TNRC6B: variants seen among roughly 807,000 people sequenced by gnomAD.
TNRC6B encodes the protein trinucleotide repeat-containing gene 6B protein.
Under a neutral mutation model 203.6 loss-of-function variants are expected in TNRC6B, and 52 were observed. That is an observed-to-expected ratio of 0.26 (90% confidence interval 0.20 to 0.32). The LOEUF (loss-of-function observed/expected upper bound fraction) is 0.32. Among genes scored for constraint, TNRC6B ranks in the 10% least tolerant of loss-of-function variants. The probability of loss-of-function intolerance (pLI) is 1.00; values close to 1 mark genes in which losing one functional copy is unlikely to be tolerated. For synonymous variants in TNRC6B, 838 were observed against 845.7 expected (o/e 0.99, Z 0.16); for missense variants, 1,923 against 2,286.2 (o/e 0.84, Z 3.24).
At chr22:40,149,662 C>A (rs1004969241) in intron 3 of TNRC6B, among the ~76,000 whole-genome samples, 1 of 141,538 alleles carries the variant, frequency 7.1e-6, no homozygotes, top group African/African-American at 2.8e-5. Context: ...GAGCGAGACT[C>A]CGTCTCCCTC....
At chr22:40,146,624 T>C (rs2068697919) in intron 3 of TNRC6B, among the ~76,000 whole-genome samples, 1 of 141,124 alleles carries the variant, frequency 7.1e-6, no homozygotes, top group Non-Finnish European at 1.5e-5. Context: ...TGGAGTGCAG[T>C]GGCGCAATCT....
rs2067812850 is a variant in TNRC6B, at chr22:40,057,798, G to A, written c.-121+12800G>A. On this transcript the variant is annotated intron_variant, in intron 1 of 23. Coordinates refer to the TNRC6B transcript ENST00000301923. Reference sequence around the variant, plus strand: ...AAAAGATGAAACAGCTGCTCTCTGAGGAGCTAAATGTCTTTCTCCTGTGAA... The same window carrying A: ...AAAAGATGAAACAGCTGCTCTCTGAAGAGCTAAATGTCTTTCTCCTGTGAA... Among the ~76,000 whole-genome samples, 3 of 152,086 alleles carry A rather than the reference G, an allele frequency of 2.0e-5. No individual in the cohort carries two copies. The South Asian group carries it at 6.2e-4, about 32-fold the overall frequency.
intron 1 of TNRC6B, among the ~76,000 whole-genome samples, chr22:40,074,427 C>T (rs1482142078): frequency 1.3e-5 from 2 of 151,840 alleles, no homozygotes; most frequent in Admixed American, 1.3e-4. Flanking sequence ...AGGAGGATTG[C>T]TTGAGTCCAG....
intron 3 of TNRC6B, among the ~76,000 whole-genome samples, chr22:40,127,301 A>C (rs1157662961): frequency 1.3e-5 from 2 of 152,190 alleles, no homozygotes; most frequent in East Asian, 1.9e-4. Flanking sequence ...GACAGATGTC[A>C]TCCTGTCCTC....
chr22:40,294,074 A>C (rs563014077), intron 12 of TNRC6B, among the ~76,000 whole-genome samples: 317 of 11,704 alleles, frequency 0.027, no homozygotes, highest in Middle Eastern at 0.18. Context: ...CCATCTCTAC[A>C]AAAAAAAAAA....
intron 1 of TNRC6B, among the ~76,000 whole-genome samples, chr22:40,105,838 A>G (rs1451699598): frequency 1.3e-5 from 2 of 152,200 alleles, no homozygotes; most frequent in African/African-American, 4.8e-5. Context: ...GAACTTTAGC[A>G]GAATCAAGCC....
At chr22:40,095,243 C>T (rs902384064) in intron 1 of TNRC6B, among the ~76,000 whole-genome samples, 1 of 152,088 alleles carries the variant, frequency 6.6e-6, no homozygotes, top group Non-Finnish European at 1.5e-5. Context: ...TTGCTTTAAC[C>T]AAATAAAGAT....
intron 11 of TNRC6B, among the ~76,000 whole-genome samples, chr22:40,281,539 A>G (rs1168005784): frequency 6.6e-6 from 1 of 151,386 alleles, no homozygotes; most frequent in Non-Finnish European, 1.5e-5. Context: ...GTTCATATTT[A>G]ATAAGTAATA....
intron 1 of TNRC6B, among the ~76,000 whole-genome samples, chr22:40,092,224 G>A (rs558373082): frequency 6.6e-6 from 1 of 152,172 alleles, no homozygotes; most frequent in South Asian, 2.1e-4. Flanking sequence ...CCAACATGGA[G>A]AAACCCCATC....
intron 7 of TNRC6B, among the ~76,000 whole-genome samples, chr22:40,275,188 T>G (rs1348013890): frequency 6.6e-6 from 1 of 152,242 alleles, no homozygotes; most frequent in Non-Finnish European, 1.5e-5. Flanking sequence ...TTTTCTTCTA[T>G]TAAGAGCTTT....
intron 1 of TNRC6B, among the ~76,000 whole-genome samples, chr22:40,082,993 A>G (rs2068073294): frequency 6.6e-6 from 1 of 152,274 alleles, no homozygotes. Context: ...TGGAGTTCCA[A>G]GGAAAGTTCC....
intron 1 of TNRC6B, among the ~76,000 whole-genome samples, chr22:40,064,452 A>C: frequency 6.6e-6 from 1 of 151,888 alleles, no homozygotes; most frequent in East Asian, 1.9e-4. Flanking sequence ...TTTTATTAAG[A>C]AAGGGTATTG....
chr22:40,311,011 CT>C lies in TNRC6B; in HGVS notation c.4435+22del. 6.3e-7 allele frequency: 1 copy of C among 1,596,126 alleles called. No individual in the cohort carries two copies. The highest frequency in any genetic ancestry group is 1.1e-5 in the South Asian group (1 of 88,076). On this transcript the variant is annotated intron_variant, in intron 17 of 22. Coordinates refer to ENST00000454349, the MANE Select transcript of TNRC6B (RefSeq NM_001162501.2). ...GCCTCCAGGTATTGTCTAGGAAATG[CT>C]TTTCCCAGGATAGCATTTGTTTTGT...
At chr22:40,160,245 G>A (rs1318817529) in intron 4 of TNRC6B, among the ~76,000 whole-genome samples, 1 of 152,170 alleles carries the variant, frequency 6.6e-6, no homozygotes, top group African/African-American at 2.4e-5. Flanking sequence ...GGGAGGCTGA[G>A]GCAGGCGGAT....
intron 1 of TNRC6B, among the ~76,000 whole-genome samples, chr22:40,231,283 A>G (rs2069865816): frequency 6.6e-6 from 1 of 152,220 alleles, no homozygotes; most frequent in Admixed American, 6.5e-5. Flanking sequence ...TTTCTACAAA[A>G]AAATTCTGCT....
At chr22:40,187,468 A>G (rs2069218713) in intron 1 of TNRC6B, among the ~76,000 whole-genome samples, 2 of 152,132 alleles carry the variant, frequency 1.3e-5, no homozygotes, top group South Asian at 2.1e-4. Context: ...GGTTTGTGCC[A>G]TGTTTCTGAA....
At chr22:40,051,797 G>A (rs1165520235) in intron 1 of TNRC6B, among the ~76,000 whole-genome samples, 1 of 152,176 alleles carries the variant, frequency 6.6e-6, no homozygotes, top group Non-Finnish European at 1.5e-5. Context: ...GGGTGAAATT[G>A]ATTTTTATAG....
intron 1 of TNRC6B, among the ~76,000 whole-genome samples, chr22:40,227,463 C>T (rs1361595350): frequency 3.4e-5 from 5 of 146,250 alleles, no homozygotes; most frequent in Non-Finnish European, 6.0e-5. Flanking sequence ...AATTCTGCTG[C>T]CTCAGCCTCC....
At chr22:40,056,071 TCTC>T (rs1487606139) in intron 1 of TNRC6B, among the ~76,000 whole-genome samples, 1 of 152,180 alleles carries the variant, frequency 6.6e-6, no homozygotes, top group Non-Finnish European at 1.5e-5. Context: ...TCCTTTTCTG[TCTC>T]CTCCTATCCA....
Sources: allele counts gnomAD v4.1 joint callset (sites outside exome capture counted in the v4.1 genomes callset), GRCh38; gene constraint gnomAD v4.1.1; transcripts MANE v1.5; gene names NCBI Gene and HGNC (gene_info 2026-07-23, HGNC 2026-07-21).